The following LDLRAD3 variants were observed in gnomAD, a reference collection of about 807,000 sequenced individuals.
LDLRAD3 encodes the protein low density lipoprotein receptor class A domain containing 3, also known as low-density lipoprotein receptor class A domain-containing protein 3.
LDLRAD3 carries 20 observed loss-of-function variants against 29.4 expected under a neutral mutation model. The observed-to-expected ratio is 0.68, with a 90% CI of 0.48 to 0.99. The LOEUF is 0.99. LDLRAD3 is among the 50% of genes least tolerant of loss of function. LDLRAD3 has a pLI of 0.00. For missense variants in LDLRAD3, 420 were observed against 454.3 expected (o/e 0.92, Z 0.69); for synonymous variants, 157 against 192.7 (o/e 0.81, Z 1.53).
At chr11:36,200,319 C>T (rs939252967) in intron 4 of LDLRAD3, among the ~76,000 whole-genome samples, 6 of 152,252 alleles carry the variant, frequency 3.9e-5, no homozygotes, top group Non-Finnish European at 5.9e-5. Context: ...CTTTTCATGG[C>T]GTCCTCCTCA....
chr11:36,211,415 C>G (rs1386921118), intron 4 of LDLRAD3, among the ~76,000 whole-genome samples: 1 of 152,136 alleles, frequency 6.6e-6, no homozygotes, highest in Non-Finnish European at 1.5e-5. Flanking sequence ...GGAAACATAC[C>G]ATGGTCTTAT....
chr11:36,191,799 A>G (rs1449737890), intron 4 of LDLRAD3, among the ~76,000 whole-genome samples: 4 of 151,914 alleles, frequency 2.6e-5, no homozygotes, highest in African/African-American at 7.3e-5. Flanking sequence ...AAGTGTTCAA[A>G]TCATAGTATA....
At chr11:36,069,493 T>C (rs762238310) in intron 2 of LDLRAD3, among the ~76,000 whole-genome samples, 1 of 152,244 alleles carries the variant, frequency 6.6e-6, no homozygotes, top group Non-Finnish European at 1.5e-5. Context: ...TTTGGGGAGC[T>C]GTGCATGTTG....
intron 4 of LDLRAD3, among the ~76,000 whole-genome samples, chr11:36,176,246 C>T (rs946263015): frequency 6.6e-6 from 1 of 152,148 alleles, no homozygotes; most frequent in African/African-American, 2.4e-5. Flanking sequence ...TTGGTGAATT[C>T]TTATCCATTC....
chr11:35,974,221 CT>C (rs1851449851), intron 1 of LDLRAD3, among the ~76,000 whole-genome samples: 1 of 152,056 alleles, frequency 6.6e-6, no homozygotes, highest in South Asian at 2.1e-4. Flanking sequence ...CATGTTTTCT[CT>C]TTTGATGTAT....
intron 4 of LDLRAD3, among the ~76,000 whole-genome samples, chr11:36,204,367 G>A (rs1329852868): frequency 1.3e-5 from 2 of 152,182 alleles, no homozygotes; most frequent in African/African-American, 4.8e-5. Flanking sequence ...GGAAAAACGA[G>A]CCAACCAGTG....
intron 4 of LDLRAD3, among the ~76,000 whole-genome samples, chr11:36,126,729 G>A (rs1853843758): frequency 6.6e-6 from 1 of 152,200 alleles, no homozygotes; most frequent in African/African-American, 2.4e-5. Context: ...AGTGTTCCTG[G>A]TGTTATTTGG....
chr11:36,005,335 C>T (rs1188717961), intron 1 of LDLRAD3, among the ~76,000 whole-genome samples: 1 of 152,232 alleles, frequency 6.6e-6, no homozygotes, highest in Admixed American at 6.5e-5. Flanking sequence ...TAAATCATCT[C>T]TGTCAAGTTC....
At chr11:35,948,437 CGTGTGTGTGT>C (rs140009978) in intron 1 of LDLRAD3, among the ~76,000 whole-genome samples, 58 of 147,300 alleles carry the variant, frequency 3.9e-4, no homozygotes, top group African/African-American at 1.0e-3. Context: ...GTTGGCTGAT[CGTGTGTGTGT>C]GTGTGTGTGT....
At chr11:35,952,576 A>G (rs1281306628) in intron 1 of LDLRAD3, among the ~76,000 whole-genome samples, 1 of 152,238 alleles carries the variant, frequency 6.6e-6, no homozygotes, top group Non-Finnish European at 1.5e-5. Flanking sequence ...TTTCAGCACC[A>G]TGACACTTGC....
intron 3 of LDLRAD3, among the ~76,000 whole-genome samples, 195 bp downstream of exon 3, chr11:36,081,973 C>T (rs1424060797): frequency 2.6e-5 from 4 of 152,218 alleles, no homozygotes; most frequent in African/African-American, 9.6e-5. Context: ...GGGGCTCTAC[C>T]AAGTGCACTG....
intron 2 of LDLRAD3, among the ~76,000 whole-genome samples, chr11:36,051,692 T>C (rs984920441): frequency 2.0e-5 from 3 of 152,110 alleles, no homozygotes; most frequent in African/African-American, 7.2e-5. Context: ...CTCATAAATT[T>C]TCGGAATGAA....
chr11:36,206,648 C>G (rs1001033710), intron 4 of LDLRAD3, among the ~76,000 whole-genome samples: 2 of 151,860 alleles, frequency 1.3e-5, no homozygotes, highest in South Asian at 4.2e-4. Flanking sequence ...GTCAAGAGAG[C>G]GTCAGTCCTA....
At chr11:35,988,811 C>T (rs1305987751) in intron 1 of LDLRAD3, 1 of 151,818 alleles carries the variant, frequency 6.6e-6, no homozygotes, top group Non-Finnish European at 1.5e-5. Flanking sequence ...TCTCGGTCTC[C>T]TGACCTCTTG....
At chr11:36,089,134 T>C (rs80239538) in intron 3 of LDLRAD3, among the ~76,000 whole-genome samples, 2,248 of 152,324 alleles carry the variant, frequency 0.015, 57 homozygotes, top group African/African-American at 0.051. Flanking sequence ...CGTAATGGCA[T>C]ATTGACTTGC....
intron 4 of LDLRAD3, among the ~76,000 whole-genome samples, chr11:36,214,023 C>T (rs1855319350): frequency 6.6e-6 from 1 of 152,134 alleles, no homozygotes; most frequent in South Asian, 2.1e-4. Context: ...GTTGTTCATC[C>T]TGATTTTACA....
intron 4 of LDLRAD3, among the ~76,000 whole-genome samples, chr11:36,162,517 A>G (rs1854457775): frequency 6.6e-6 from 1 of 152,228 alleles, no homozygotes; most frequent in Non-Finnish European, 1.5e-5. Context: ...GGGAAATGAC[A>G]TGTGAATCAG....
chr11:36,216,675 C>G lies in LDLRAD3; in HGVS notation c.455-10410C>G, dbSNP rs146856475. ...AGACAGTTTGATCTCTGTACCTTCC[C>G]TCCAAACAGCTACAAAAAAGGAGGG... On this transcript the variant is annotated intron_variant, in intron 4 of 5. Transcript: ENST00000315571. Among the ~76,000 whole-genome samples, 143 of 152,272 alleles carry G rather than the reference C, an allele frequency of 9.4e-4. 1 individual carries two copies. The East Asian group carries it at 0.026, about 27-fold the overall frequency.
At chr11:36,172,619 G>A (rs1165318087) in intron 4 of LDLRAD3, among the ~76,000 whole-genome samples, 1 of 152,022 alleles carries the variant, frequency 6.6e-6, no homozygotes, top group African/African-American at 2.4e-5. Flanking sequence ...TTTATGTGAT[G>A]TATCACATTT....
Sources: allele counts gnomAD v4.1 joint callset (sites outside exome capture counted in the v4.1 genomes callset), GRCh38; gene constraint gnomAD v4.1.1; transcripts MANE v1.5; gene names NCBI Gene and HGNC (gene_info 2026-07-23, HGNC 2026-07-21).